The following B3GALT1 variants were observed in gnomAD, a reference collection of about 807,000 sequenced individuals.
The protein encoded by B3GALT1 is beta-1,3-galactosyltransferase 1.
A neutral mutation model predicts 23.2 loss-of-function variants in B3GALT1; 10 were observed. That is an observed-to-expected ratio of 0.43 (90% CI 0.27 to 0.73). The LOEUF (loss-of-function observed/expected upper bound fraction) is 0.73. Ranked by LOEUF, B3GALT1 falls within the 30% of genes least tolerant of loss-of-function variation. B3GALT1 has a pLI of 0.21. For synonymous variants in B3GALT1, 156 were observed against 141.5 expected (o/e 1.10, Z -0.73); for missense variants, 299 against 405.4 (o/e 0.74, Z 2.25).
At chr2:167,814,525 G>T (rs1688953476) in intron 3 of B3GALT1, among the ~76,000 whole-genome samples, 1 of 152,172 alleles carries the variant, frequency 6.6e-6, no homozygotes, top group South Asian at 2.1e-4. Flanking sequence ...ACTTTCGGAG[G>T]CTGAGGCAGG....
intron 1 of B3GALT1, among the ~76,000 whole-genome samples, chr2:167,359,413 T>A (rs1697465229): frequency 6.6e-6 from 1 of 152,196 alleles, no homozygotes; most frequent in African/African-American, 2.4e-5. Flanking sequence ...ACTGCAGTAA[T>A]TCTAAAATTT....
chr2:167,714,230 G>C, intron 3 of B3GALT1: 1 of 1,502,898 alleles, frequency 6.7e-7, no homozygotes, highest in Non-Finnish European at 9.3e-7. Context: ...ATCAGGATAT[G>C]ATTGTCCTGG....
At chr2:167,450,475 A>G (rs1310679346) in intron 1 of B3GALT1, among the ~76,000 whole-genome samples, 1 of 152,150 alleles carries the variant, frequency 6.6e-6, no homozygotes, top group African/African-American at 2.4e-5. Context: ...CTGAATACCA[A>G]ATTCTTGGCT....
chr2:167,603,062 C>A (rs977161234), intron 2 of B3GALT1, among the ~76,000 whole-genome samples: 2 of 152,126 alleles, frequency 1.3e-5, no homozygotes, highest in Non-Finnish European at 2.9e-5. Context: ...TAGCTTTTCT[C>A]CCGACAGGAA....
At chr2:167,388,066 G>T (rs182906539) in intron 1 of B3GALT1, among the ~76,000 whole-genome samples, 31 of 152,256 alleles carry the variant, frequency 2.0e-4, no homozygotes, top group Non-Finnish European at 3.5e-4. Flanking sequence ...TAGCTTTCCT[G>T]TCGGCAGCAT....
chr2:167,696,283 C>T (rs1019144230), intron 3 of B3GALT1, among the ~76,000 whole-genome samples: 1 of 108,146 alleles, frequency 9.2e-6, no homozygotes, highest in East Asian at 3.0e-4. Flanking sequence ...ATCTTAGTCT[C>T]ATTGGTAAGA....
chr2:167,699,380 A>ATTTTTTT (rs1169813738), intron 3 of B3GALT1, among the ~76,000 whole-genome samples: 21 of 100,178 alleles, frequency 2.1e-4, no homozygotes, highest in South Asian at 3.4e-4. Context: ...CATTATTTCT[A>ATTTTTTT]TTTTTTTTTT....
chr2:167,434,284 C>T (rs1347760161), intron 1 of B3GALT1, among the ~76,000 whole-genome samples: 1 of 152,096 alleles, frequency 6.6e-6, no homozygotes, highest in Non-Finnish European at 1.5e-5. Context: ...AAATAACTAG[C>T]TTTCCATCCC....
At chr2:167,492,162 CA>C in intron 2 of B3GALT1, among the ~76,000 whole-genome samples, 1 of 152,246 alleles carries the variant, frequency 6.6e-6, no homozygotes, top group South Asian at 2.1e-4. Context: ...TGAAACCTGG[CA>C]ATCTCTGATC....
chr2:167,597,241 T>G (rs10204075), intron 2 of B3GALT1, among the ~76,000 whole-genome samples: 16,699 of 150,864 alleles, frequency 0.11, 2,131 homozygotes, highest in African/African-American at 0.31. Context: ...TCAGCCTCCC[T>G]AGTAGCTGGG....
intron 2 of B3GALT1, among the ~76,000 whole-genome samples, chr2:167,495,326 CTTTTTTTTTTTTT>C (rs954749958): frequency 6.9e-5 from 4 of 57,884 alleles, no homozygotes; most frequent in African/African-American, 3.1e-4. Context: ...GCTTGCTTGC[CTTTTTTTTTTTTT>C]TTTTTTTTTT....
intron 1 of B3GALT1, among the ~76,000 whole-genome samples, chr2:167,318,266 G>A (rs1004857233): frequency 4.0e-5 from 6 of 151,714 alleles, no homozygotes; most frequent in African/African-American, 9.7e-5. Context: ...TGGAGGTTGC[G>A]GTGAGCCGAG....
At chr2:167,417,970 A>G (rs1249565613) in intron 1 of B3GALT1, among the ~76,000 whole-genome samples, 2 of 152,208 alleles carry the variant, frequency 1.3e-5, no homozygotes, top group African/African-American at 2.4e-5. Context: ...AGTACTGTTT[A>G]CTGCGTTGCA....
chr2:167,461,419 G>GCT (rs1699257317), intron 1 of B3GALT1, among the ~76,000 whole-genome samples: 1 of 152,120 alleles, frequency 6.6e-6, no homozygotes, highest in Non-Finnish European at 1.5e-5. Flanking sequence ...TTTTCTAGGT[G>GCT]GGGAGACAGA....
At chr2:167,316,890 C>A (rs542871012) in intron 1 of B3GALT1, among the ~76,000 whole-genome samples, 1 of 152,234 alleles carries the variant, frequency 6.6e-6, no homozygotes, top group Admixed American at 6.5e-5. Flanking sequence ...AAGATACACA[C>A]CTTCCACAAA....
intron 3 of B3GALT1, among the ~76,000 whole-genome samples, chr2:167,681,724 A>G (rs747905339): frequency 6.6e-6 from 1 of 152,214 alleles, no homozygotes; most frequent in African/African-American, 2.4e-5. Flanking sequence ...CTAAACCCAT[A>G]TATGTAGGGC....
chr2:167,447,125 C>T (rs1559099543), intron 1 of B3GALT1, among the ~76,000 whole-genome samples: 1 of 152,194 alleles, frequency 6.6e-6, no homozygotes, highest in Non-Finnish European at 1.5e-5. Context: ...GCTGGAGGTC[C>T]ACTCCAGACC....
chr2:167,736,628 G>A (rs1687496149), intron 3 of B3GALT1, among the ~76,000 whole-genome samples: 2 of 152,214 alleles, frequency 1.3e-5, no homozygotes, highest in South Asian at 4.1e-4. Flanking sequence ...GAGGCTGGAT[G>A]CAGTGGCTCA....
intron 2 of B3GALT1, among the ~76,000 whole-genome samples, chr2:167,590,100 AT>A (rs1684648349): frequency 6.6e-6 from 1 of 152,146 alleles, no homozygotes; most frequent in Non-Finnish European, 1.5e-5. Context: ...TAATCCCAGC[AT>A]TTTGGGAGGC....
Sources: allele counts gnomAD v4.1 joint callset (sites outside exome capture counted in the v4.1 genomes callset), GRCh38; gene constraint gnomAD v4.1.1; transcripts MANE v1.5; gene names NCBI Gene and HGNC (gene_info 2026-07-23, HGNC 2026-07-21).